Variants in MAGI2 observed in about 807,000 individuals in gnomAD.
The protein encoded by MAGI2 is membrane-associated guanylate kinase, WW and PDZ domain-containing protein 2.
A neutral mutation model predicts 133.3 loss-of-function variants in MAGI2; 35 were observed. That is an observed-to-expected ratio of 0.26 (90% confidence interval 0.20 to 0.35). MAGI2 has a LOEUF of 0.35. MAGI2 is among the 10% of genes least tolerant of loss of function. The pLI, the probability that MAGI2 is intolerant of heterozygous loss-of-function variation, is 1.00. For missense variants in MAGI2, 1,636 were observed against 1,863.4 expected, an observed-to-expected ratio of 0.88 and a Z score of 2.25; for synonymous variants, 729 against 710.6, an observed-to-expected ratio of 1.03 and a Z score of -0.41.
At chr7:78,201,003 G>C (rs772772348) in intron 11 of MAGI2, among the ~76,000 whole-genome samples, 159 bp downstream of exon 11, 5 of 152,076 alleles carry the variant, frequency 3.3e-5, no homozygotes, top group Non-Finnish European at 5.9e-5. Flanking sequence ...TGTACTTGTG[G>C]GACAGATACA....
intron 2 of MAGI2, among the ~76,000 whole-genome samples, chr7:78,717,797 G>C (rs1819863832): frequency 6.6e-6 from 1 of 152,142 alleles, no homozygotes; most frequent in Non-Finnish European, 1.5e-5. Flanking sequence ...CACAGAGCTT[G>C]TAGGTAGTGG....
At chr7:78,583,064 T>C (rs2150815967) in intron 3 of MAGI2, among the ~76,000 whole-genome samples, 2 of 152,302 alleles carry the variant, frequency 1.3e-5, no homozygotes, top group African/African-American at 4.8e-5. Context: ...ACCACTCAAG[T>C]CAACACGGAG....
intron 1 of MAGI2, among the ~76,000 whole-genome samples, chr7:79,375,248 C>T (rs1449193257): frequency 6.6e-6 from 1 of 151,840 alleles, no homozygotes; most frequent in Admixed American, 6.6e-5. Context: ...ACTGTAGAGC[C>T]TACAGTCCCA....
At chr7:78,522,500 T>C (rs1412745500) in intron 3 of MAGI2, among the ~76,000 whole-genome samples, 1 of 152,130 alleles carries the variant, frequency 6.6e-6, no homozygotes, top group East Asian at 1.9e-4. Flanking sequence ...TGCCTCAGCC[T>C]CCTGGAGTAG....
intron 6 of MAGI2, among the ~76,000 whole-genome samples, chr7:78,401,765 G>A (rs555110321): frequency 7.9e-5 from 12 of 152,206 alleles, no homozygotes; most frequent in African/African-American, 2.6e-4. Flanking sequence ...AGATAAATAA[G>A]TATTTTCTCC....
intron 2 of MAGI2, among the ~76,000 whole-genome samples, chr7:78,817,193 A>G (rs1266209478): frequency 1.3e-5 from 2 of 152,222 alleles, no homozygotes; most frequent in Non-Finnish European, 2.9e-5. Flanking sequence ...ATGTGAGTGA[A>G]TTGCTACAAA....
intron 1 of MAGI2, among the ~76,000 whole-genome samples, chr7:79,163,375 T>C (rs1024082226): frequency 6.6e-5 from 10 of 152,044 alleles, no homozygotes; most frequent in African/African-American, 2.2e-4. Context: ...GGTTTCACCA[T>C]GTTGGCCAGG....
At chr7:78,025,077 A>T (rs1377336506) in intron 21 of MAGI2, among the ~76,000 whole-genome samples, 2 of 152,192 alleles carry the variant, frequency 1.3e-5, no homozygotes, top group African/African-American at 4.8e-5. Flanking sequence ...AGCCTGCATG[A>T]TCTGGCCCCT....
intron 9 of MAGI2, among the ~76,000 whole-genome samples, chr7:78,259,777 C>T (rs552042404): frequency 2.0e-5 from 3 of 152,250 alleles, no homozygotes; most frequent in South Asian, 4.1e-4. Context: ...CAGAATTTCA[C>T]GGGAAAGAAC....
intron 10 of MAGI2, among the ~76,000 whole-genome samples, chr7:78,224,485 G>C (rs1444145164): frequency 6.6e-6 from 1 of 152,070 alleles, no homozygotes; most frequent in Non-Finnish European, 1.5e-5. Flanking sequence ...GGCCACCATG[G>C]GGAAACCCTG....
At chr7:78,403,114 T>TA (rs1169489546) in intron 6 of MAGI2, among the ~76,000 whole-genome samples, 8 of 152,210 alleles carry the variant, frequency 5.3e-5, no homozygotes, top group Non-Finnish European at 1.0e-4. Flanking sequence ...ACTCGTCATT[T>TA]ACATTAGGTA....
chr7:78,634,882 C>T (rs991129275), intron 2 of MAGI2, among the ~76,000 whole-genome samples: 1 of 151,794 alleles, frequency 6.6e-6, no homozygotes, highest in African/African-American at 2.4e-5. Flanking sequence ...ATAGGAAAGT[C>T]CAAAATAAGT....
chr7:78,041,698 A>C (rs1177991354), intron 21 of MAGI2, among the ~76,000 whole-genome samples: 2 of 152,310 alleles, frequency 1.3e-5, no homozygotes, highest in Middle Eastern at 3.4e-3. Flanking sequence ...AAAACAAAAC[A>C]AAACCAAAAC....
intron 10 of MAGI2, among the ~76,000 whole-genome samples, chr7:78,234,615 C>G (rs1244693501): frequency 1.3e-5 from 1 of 75,716 alleles, no homozygotes; most frequent in Non-Finnish European, 3.7e-5. Flanking sequence ...ATTTCATATT[C>G]ATTATATTTC....
chr7:78,159,124 G>A (rs1045191557), intron 16 of MAGI2, among the ~76,000 whole-genome samples: 3 of 152,170 alleles, frequency 2.0e-5, no homozygotes, highest in Non-Finnish European at 4.4e-5. Flanking sequence ...CGGGGAGACT[G>A]ATTTGAGTAA....
chr7:78,920,491 A>T (rs750095717), intron 2 of MAGI2, among the ~76,000 whole-genome samples: 21 of 152,266 alleles, frequency 1.4e-4, no homozygotes, highest in Non-Finnish European at 2.5e-4. Context: ...TTACATGGGT[A>T]ATTATTTTTT....
chr7:78,607,517 G>A (rs1359737222), intron 3 of MAGI2, among the ~76,000 whole-genome samples: 2 of 149,328 alleles, frequency 1.3e-5, no homozygotes, highest in Non-Finnish European at 1.5e-5. Flanking sequence ...AAAAAAAAGA[G>A]AGTCTCTGTA....
chr7:79,393,101 G>A (rs1267404798), intron 1 of MAGI2, among the ~76,000 whole-genome samples: 1 of 152,154 alleles, frequency 6.6e-6, no homozygotes, highest in Non-Finnish European at 1.5e-5. Flanking sequence ...TATTTGGTTA[G>A]GAAACTTGAT....
intron 2 of MAGI2, among the ~76,000 whole-genome samples, chr7:78,934,455 T>A (rs1310734669): frequency 6.6e-6 from 1 of 152,144 alleles, no homozygotes; most frequent in East Asian, 1.9e-4. Flanking sequence ...TTACTGTAAG[T>A]ACTTATGTGT....
Sources: allele counts gnomAD v4.1 joint callset (sites outside exome capture counted in the v4.1 genomes callset), GRCh38; gene constraint gnomAD v4.1.1; transcripts MANE v1.5; gene names NCBI Gene and HGNC (gene_info 2026-07-23, HGNC 2026-07-21).